The following NFIA variants were observed in gnomAD, a reference collection of about 807,000 sequenced individuals.
The protein encoded by NFIA is nuclear factor I A, also known as nuclear factor 1 A-type.
A neutral mutation model predicts 62.8 loss-of-function variants in NFIA; 8 were observed. That is an observed-to-expected ratio of 0.13 (90% CI 0.07 to 0.23). The LOEUF is 0.23. Ranked by LOEUF, NFIA falls within the 10% of genes least tolerant of loss-of-function variation. The probability of loss-of-function intolerance (pLI) is 1.00; values close to 1 mark genes in which losing one functional copy is unlikely to be tolerated. For synonymous variants in NFIA, 235 were observed against 238.1 expected (o/e 0.99, Z 0.12); for missense variants, 410 against 642.1 (o/e 0.64, Z 3.91).
chr1:61,082,080 TG>T, upstream of NFIA: 4 of 1,480,784 alleles, frequency 2.7e-6, no homozygotes, highest in Non-Finnish European at 1.8e-6. Context: ...GGTGGGGGGA[TG>T]GGGACGAGGA....
intron 2 of NFIA, among the ~76,000 whole-genome samples, chr1:61,241,842 C>T (rs1402216385): frequency 6.6e-6 from 1 of 152,044 alleles, no homozygotes; most frequent in Non-Finnish European, 1.5e-5. Context: ...AGGTGAAAAA[C>T]CACTGTAAAA....
chr1:61,329,679 A>G (rs1173377705), intron 3 of NFIA, among the ~76,000 whole-genome samples: 1 of 152,058 alleles, frequency 6.6e-6, no homozygotes, highest in Non-Finnish European at 1.5e-5. Flanking sequence ...AATTTTTTTT[A>G]CATGTTTTTA....
At chr1:61,229,128 T>C (rs1046848282) in intron 2 of NFIA, among the ~76,000 whole-genome samples, 20 of 146,700 alleles carry the variant, frequency 1.4e-4, no homozygotes, top group Non-Finnish European at 2.4e-4. Flanking sequence ...GGAGTCAGGG[T>C]AAAAGAAAAA....
chr1:61,389,741 TGA>T (rs1477205565), intron 7 of NFIA, among the ~76,000 whole-genome samples: 1 of 96,102 alleles, frequency 1.0e-5, no homozygotes, highest in Non-Finnish European at 1.9e-5. Flanking sequence ...GCCATCACAC[TGA>T]GTTTTTTTTT....
chr1:61,211,916 C>T (rs1015102081), intron 2 of NFIA, among the ~76,000 whole-genome samples: 5 of 152,114 alleles, frequency 3.3e-5, no homozygotes, highest in Non-Finnish European at 5.9e-5. Flanking sequence ...AGGCTGGTCT[C>T]GAACTTGTGA....
At chr1:61,116,857 G>A (rs1646801005) in intron 2 of NFIA, among the ~76,000 whole-genome samples, 2 of 152,264 alleles carry the variant, frequency 1.3e-5, no homozygotes, top group East Asian at 3.9e-4. Context: ...ATTGTTAGGT[G>A]AAACCTAATT....
rs1041880848 is a variant in NFIA, at chr1:61,194,140, A to G, written c.560-83380A>G. On this transcript the variant is annotated intron_variant, in intron 2 of 10. Transcript: ENST00000403491. The stretch of plus-strand genomic sequence containing the variant: ...GGAGACCTAGGTTCAAATCCTTACT[A>G]TAGATGACCTTGGTTTTAAACTCTT... Among the ~76,000 whole-genome samples the G allele has an allele frequency of 2.0e-5, 3 of 152,190 alleles. No homozygotes were observed. The East Asian group carries it at 5.8e-4, about 29-fold the overall frequency.
At chr1:61,172,582 C>T (rs575926749) in intron 2 of NFIA, among the ~76,000 whole-genome samples, 1 of 152,296 alleles carries the variant, frequency 6.6e-6, no homozygotes, top group South Asian at 2.1e-4. Context: ...AACAAGCAGA[C>T]ACCTCCTTTG....
At chr1:61,413,039 T>C (rs1193999293) in intron 9 of NFIA, among the ~76,000 whole-genome samples, 6 of 152,162 alleles carry the variant, frequency 3.9e-5, no homozygotes, top group Non-Finnish European at 5.9e-5. Flanking sequence ...AGATAAAACA[T>C]GCATATTTTT....
At chr1:61,324,006 T>C (rs1033592840) in intron 3 of NFIA, among the ~76,000 whole-genome samples, 3 of 152,178 alleles carry the variant, frequency 2.0e-5, no homozygotes, top group African/African-American at 7.2e-5. Context: ...GAAGTTCTCC[T>C]TAATTGAATA....
chr1:61,321,408 A>G (rs1019392108), intron 3 of NFIA, among the ~76,000 whole-genome samples: 9 of 151,860 alleles, frequency 5.9e-5, no homozygotes, highest in Non-Finnish European at 1.2e-4. Context: ...ACATGACGAG[A>G]GAGAGAAAGG....
At chr1:61,377,254 G>C (rs1376910906) in intron 6 of NFIA, among the ~76,000 whole-genome samples, 1 of 151,698 alleles carries the variant, frequency 6.6e-6, no homozygotes, top group Admixed American at 6.6e-5. Flanking sequence ...GAAAATGTAA[G>C]GATTTGAGAT....
intron 3 of NFIA, among the ~76,000 whole-genome samples, chr1:61,289,191 G>C (rs1332189753): frequency 6.6e-6 from 1 of 152,166 alleles, no homozygotes; most frequent in African/African-American, 2.4e-5. Flanking sequence ...TCAGTTATTG[G>C]CTGGAAACAG....
intron 2 of NFIA, among the ~76,000 whole-genome samples, chr1:61,250,424 T>C (rs976496151): frequency 6.6e-6 from 1 of 152,314 alleles, no homozygotes; most frequent in Non-Finnish European, 1.5e-5. Flanking sequence ...GCAATGTAAA[T>C]GTTGCTCTTT....
chr1:61,206,814 C>A (rs60651775), intron 2 of NFIA, among the ~76,000 whole-genome samples: 1 of 152,124 alleles, frequency 6.6e-6, no homozygotes, highest in Non-Finnish European at 1.5e-5. Context: ...ATTGCCCTCC[C>A]AAGCCTACCT....
chr1:61,175,442 C>T (rs898642133), intron 2 of NFIA, among the ~76,000 whole-genome samples: 17 of 152,088 alleles, frequency 1.1e-4, no homozygotes, highest in Non-Finnish European at 2.4e-4. Context: ...GCGCCTGGCC[C>T]TTATCATGAT....
At chr1:61,099,427 G>C (rs1212405565) in intron 2 of NFIA, among the ~76,000 whole-genome samples, 3 of 152,176 alleles carry the variant, frequency 2.0e-5, no homozygotes, top group African/African-American at 7.2e-5. Context: ...CTTTGTGATA[G>C]AGCATTCGAT....
At chr1:61,208,530 T>C (rs1453686874) in intron 2 of NFIA, among the ~76,000 whole-genome samples, 3 of 152,214 alleles carry the variant, frequency 2.0e-5, no homozygotes, top group African/African-American at 4.8e-5. Flanking sequence ...AGAAGCCCTG[T>C]CTTTGGAGTC....
chr1:61,150,183 C>T (rs115818583), intron 2 of NFIA, among the ~76,000 whole-genome samples: 5 of 152,288 alleles, frequency 3.3e-5, no homozygotes, highest in East Asian at 1.9e-4. Context: ...GAGTTATTCT[C>T]GCGGGGCCAG....
Sources: gnomAD v4.1 joint callset for allele counts (sites outside exome capture counted in the v4.1 genomes callset) on GRCh38, gnomAD v4.1.1 for gene constraint, MANE v1.5 for transcripts, NCBI Gene and HGNC (gene_info 2026-07-23, HGNC 2026-07-21) for gene names.